Variants in PLXNC1 observed in about 807,000 individuals in gnomAD.
The protein encoded by PLXNC1 is plexin-C1.
Under a neutral mutation model 178.2 loss-of-function variants are expected in PLXNC1, and 75 were observed. The ratio of observed to expected loss-of-function variants is 0.42; its 90% CI spans 0.35 to 0.51. The LOEUF is 0.51. Among genes scored for constraint, PLXNC1 ranks in the 20% least tolerant of loss-of-function variants. PLXNC1 has a pLI of 0.02. For missense variants in PLXNC1, 1,503 were observed against 1,984.4 expected (o/e 0.76, Z 4.61); for synonymous variants, 790 against 779.9 (o/e 1.01, Z -0.22).
At chr12:94,185,668 T>A (rs1286559816) in intron 3 of PLXNC1, among the ~76,000 whole-genome samples, 2 of 152,042 alleles carry the variant, frequency 1.3e-5, no homozygotes, top group South Asian at 2.1e-4. Context: ...ACTGGAGGGG[T>A]GTGAGCAAAA....
chr12:94,241,816 A>G lies in PLXNC1; in HGVS notation c.2300+1152A>G, dbSNP rs977202021. On this transcript the variant is annotated intron_variant, in intron 11 of 30. Coordinates refer to ENST00000258526, the MANE Select transcript of PLXNC1 (RefSeq NM_005761.3). ...TCTTGGTTATTGTGAAGAATGCTGT[A>G]ATAAAGATTCCTCCTAGTTGAATTT... is the stretch of plus-strand genomic sequence containing the variant. 3.3e-5 allele frequency among the ~76,000 whole-genome samples: 5 copies of G among 152,192 alleles called. No homozygotes were observed. In the East Asian group the frequency reaches 9.6e-4, roughly 29 times the overall value.
chr12:94,163,632 G>A (rs913860814), intron 1 of PLXNC1, among the ~76,000 whole-genome samples: 2 of 152,026 alleles, frequency 1.3e-5, no homozygotes, highest in Non-Finnish European at 2.9e-5. Context: ...GGTAGAAGGA[G>A]GTGAAATACA....
At chr12:94,233,286 T>C (rs906120358) in intron 9 of PLXNC1, among the ~76,000 whole-genome samples, 5 of 152,046 alleles carry the variant, frequency 3.3e-5, no homozygotes, top group African/African-American at 9.7e-5. Flanking sequence ...AGCAAGAATC[T>C]CATGCATGAG....
chr12:94,196,877 T>C (rs1962936375), intron 4 of PLXNC1, among the ~76,000 whole-genome samples: 1 of 152,240 alleles, frequency 6.6e-6, no homozygotes, highest in Non-Finnish European at 1.5e-5. Context: ...TTAGCTTATG[T>C]ATAGTTTCCC....
intron 4 of PLXNC1, among the ~76,000 whole-genome samples, chr12:94,206,385 T>G (rs1486587815): frequency 6.6e-6 from 1 of 152,150 alleles, no homozygotes; most frequent in East Asian, 1.9e-4. Context: ...TATAGCAAAC[T>G]AACAAGAACA....
chr12:94,185,243 T>C (rs1452000529), intron 3 of PLXNC1, among the ~76,000 whole-genome samples: 3 of 152,204 alleles, frequency 2.0e-5, no homozygotes, highest in Non-Finnish European at 2.9e-5. Context: ...AAGGGCGTGG[T>C]TATCCTCCAT....
intron 7 of PLXNC1, among the ~76,000 whole-genome samples, chr12:94,226,145 C>T (rs1963932022): frequency 6.6e-6 from 1 of 152,240 alleles, no homozygotes; most frequent in Non-Finnish European, 1.5e-5. Flanking sequence ...CAAACACAGG[C>T]ACCTCGTTGC....
intron 4 of PLXNC1, among the ~76,000 whole-genome samples, chr12:94,205,766 G>A (rs2135996335): frequency 6.6e-6 from 1 of 152,290 alleles, no homozygotes; most frequent in East Asian, 1.9e-4. Context: ...TGTCTTCTCT[G>A]TTTCTGGGGT....
intron 16 of PLXNC1, 147 bp downstream of exon 16, chr12:94,255,035 T>G (rs1410876607): frequency 1.1e-6 from 1 of 907,836 alleles, no homozygotes; most frequent in Non-Finnish European, 1.7e-6. Context: ...CCTGGCTTTG[T>G]GTTTTATTTC....
Position 94,306,135 on chromosome 12 carries a change from G to A in PLXNC1, c.*850G>A, listed in dbSNP as rs1335331866. 1 of 151,974 alleles carries A rather than the reference G, an allele frequency of 6.6e-6. No individual in the cohort carries two copies. The highest frequency in any genetic ancestry group is 1.5e-5 in the Non-Finnish European group (1 of 67,976). 9.4% of individuals were successfully genotyped at this position (151,974 alleles called of 1,614,324 possible). ...CCAAAACCTTTGATCAGAACGATCT[G>A]TGGAAGAGTAACTCCATTTCTATAT... On this transcript the variant is annotated 3_prime_UTR_variant, in exon 31 of 31. Coordinates refer to ENST00000258526, the MANE Select transcript of PLXNC1 (RefSeq NM_005761.3).
chr12:94,186,265 G>A (rs1962504389), intron 3 of PLXNC1, 108 bp from the exon 4 acceptor site: 3 of 739,242 alleles, frequency 4.1e-6, no homozygotes, highest in East Asian at 2.6e-5. Flanking sequence ...GAGGTGTTGA[G>A]TTCAAGTTGA....
intron 2 of PLXNC1, among the ~76,000 whole-genome samples, chr12:94,173,497 G>T (rs577973714): frequency 3.7e-4 from 57 of 152,308 alleles, no homozygotes; most frequent in African/African-American, 1.3e-3. Flanking sequence ...CTTCCTGTGT[G>T]CTGGGCATTA....
intron 12 of PLXNC1, among the ~76,000 whole-genome samples, chr12:94,244,431 G>T (rs541129548): frequency 2.6e-5 from 4 of 152,330 alleles, no homozygotes; most frequent in African/African-American, 7.2e-5. Context: ...GTTCACAGAG[G>T]TTAGATGACT....
rs1726902 is a variant in PLXNC1, at chr12:94,259,711, G to A, written c.3228G>A (p.Gln1076=). ...CTGTCATCCACACCCTTGAAAAGCA[G>A]AAGAACTTTTCTGTGAAGGACAGGT... ...LVTVIHTLEK[Q]KNFSVKDRCL... Residue 1076 remains glutamine, a synonymous_variant, in exon 19 of 31, where the codon CAG becomes CAA. Coordinates refer to ENST00000258526, the MANE Select transcript of PLXNC1 (RefSeq NM_005761.3). 2.5e-6 allele frequency: 4 copies of A among 1,611,198 alleles called. No homozygotes were observed. Among genetic ancestry groups the A allele is most frequent in the Non-Finnish European group, 3.4e-6 (4 of 1,178,828 alleles).
chr12:94,263,130 G>T (rs987127338), intron 20 of PLXNC1, among the ~76,000 whole-genome samples: 1 of 152,166 alleles, frequency 6.6e-6, no homozygotes, highest in Non-Finnish European at 1.5e-5. Flanking sequence ...TGTGTTTAGT[G>T]GTGACAGAGA....
At chr12:94,300,756 G>C (rs1968387324) in intron 27 of PLXNC1, among the ~76,000 whole-genome samples, 154 bp from the exon 28 acceptor site, 1 of 152,128 alleles carries the variant, frequency 6.6e-6, no homozygotes, top group Non-Finnish European at 1.5e-5. Flanking sequence ...TTCTCTCCAA[G>C]TGACGCTTCT....
intron 28 of PLXNC1, among the ~76,000 whole-genome samples, chr12:94,302,887 A>G (rs1593019467): frequency 2.6e-5 from 4 of 152,262 alleles, no homozygotes; most frequent in Admixed American, 2.6e-4. Context: ...AATAATGTTT[A>G]TTGAATGAAT....
Position 94,280,151 on chromosome 12 carries a change from C to G in PLXNC1, c.3775+502C>G, listed in dbSNP as rs570536208. Reference sequence around the variant, plus strand: ...GTATTAAGTATATGCTCCGTCCTCCCTCAGTGTGCAGCAGCATCTGCTATG... The same window carrying G: ...GTATTAAGTATATGCTCCGTCCTCCGTCAGTGTGCAGCAGCATCTGCTATG... On this transcript the variant is annotated intron_variant, in intron 22 of 30. Coordinates refer to ENST00000258526, the MANE Select transcript of PLXNC1 (RefSeq NM_005761.3). The G allele has an allele frequency of 3.8e-4, 99 of 260,706 alleles. 2 individuals are homozygous for G. In the Middle Eastern group the frequency reaches 4.2e-3, roughly 11 times the overall value. 16.1% of individuals were successfully genotyped at this position (260,706 alleles called of 1,614,324 possible). A position where few individuals can be genotyped will look rare whatever the true frequency, so the allele number is the denominator to read the frequency against.
At chr12:94,214,901 A>AT (rs143919928) in intron 5 of PLXNC1, among the ~76,000 whole-genome samples, 1,778 of 147,262 alleles carry the variant, frequency 0.012, 19 homozygotes, top group African/African-American at 0.03. Context: ...TATTAAGGCT[A>AT]TTTTTTTTTT....
Sources: gnomAD v4.1 joint callset for allele counts (sites outside exome capture counted in the v4.1 genomes callset) on GRCh38, gnomAD v4.1.1 for gene constraint, MANE v1.5 for transcripts, NCBI Gene and HGNC (gene_info 2026-07-23, HGNC 2026-07-21) for gene names.